CDH4: variants seen among roughly 807,000 people sequenced by gnomAD.
CDH4 encodes cadherin 4, also known as cadherin-4.
CDH4 carries 33 observed loss-of-function variants against 86.0 expected under a neutral mutation model. The observed-to-expected ratio is 0.38, with a 90% CI of 0.29 to 0.51. The LOEUF (loss-of-function observed/expected upper bound fraction) is 0.51. Among genes scored for constraint, CDH4 ranks in the 20% least tolerant of loss-of-function variants. The pLI is 0.86. For synonymous variants in CDH4, 555 were observed against 549.4 expected (o/e 1.01, Z -0.14); for missense variants, 1,114 against 1,307.4 (o/e 0.85, Z 2.28).
chr20:61,648,692 T>A (rs908096028), intron 2 of CDH4, among the ~76,000 whole-genome samples: 1 of 152,180 alleles, frequency 6.6e-6, no homozygotes, highest in Non-Finnish European at 1.5e-5. Flanking sequence ...GGTAGCTTTT[T>A]GAGGCGCGCT....
intron 2 of CDH4, among the ~76,000 whole-genome samples, chr20:61,462,004 G>A (rs62200941): frequency 6.6e-6 from 1 of 152,186 alleles, no homozygotes; most frequent in African/African-American, 2.4e-5. Context: ...TTCCAGCACA[G>A]CACTCGCGTG....
intron 2 of CDH4, among the ~76,000 whole-genome samples, chr20:61,450,170 T>G (rs898692326): frequency 2.6e-5 from 4 of 152,250 alleles, no homozygotes; most frequent in African/African-American, 9.6e-5. Context: ...TGTTCATGAA[T>G]GTTTAACCCA....
intron 2 of CDH4, among the ~76,000 whole-genome samples, chr20:61,340,151 C>T (rs758224345): frequency 6.6e-6 from 1 of 152,100 alleles, no homozygotes; most frequent in Non-Finnish European, 1.5e-5. Flanking sequence ...ATAGTAACCC[C>T]AACAAGGGGA....
chr20:61,871,362 A>AT lies in CDH4; in HGVS notation c.878-2364dup, dbSNP rs1983796767. On this transcript the variant is annotated intron_variant, in intron 6 of 15. Transcript: ENST00000614565. ...TGAGAAGTCAGCTTGAAGTCTTCTC[A>AT]TTGCCACATTGAAAGTTTTGTGCTC... 2.0e-5 allele frequency among the ~76,000 whole-genome samples: 3 copies of AT among 152,088 alleles called. No homozygotes were observed. In the South Asian group the frequency reaches 6.2e-4, roughly 32 times the overall value.
chr20:61,613,036 G>A (rs1054593162), intron 2 of CDH4, among the ~76,000 whole-genome samples: 10 of 152,066 alleles, frequency 6.6e-5, no homozygotes, highest in African/African-American at 2.4e-4. Flanking sequence ...AGAGGTCCCT[G>A]CTTGCCCAGG....
At chr20:61,512,345 G>A (rs1225544058) in intron 2 of CDH4, among the ~76,000 whole-genome samples, 1 of 152,198 alleles carries the variant, frequency 6.6e-6, no homozygotes, top group Non-Finnish European at 1.5e-5. Context: ...GGCCCGGGAA[G>A]GGGATTGTCC....
At chr20:61,457,483 ATGG>A (rs1162453539) in intron 2 of CDH4, among the ~76,000 whole-genome samples, 1 of 152,198 alleles carries the variant, frequency 6.6e-6, no homozygotes. Flanking sequence ...GATGATGACA[ATGG>A]TGGTGATAGT....
intron 2 of CDH4, among the ~76,000 whole-genome samples, chr20:61,410,469 C>T (rs2085112185): frequency 1.1e-5 from 1 of 94,600 alleles, no homozygotes; most frequent in Non-Finnish European, 2.6e-5. Context: ...ATCCATCCAT[C>T]CTCTCACTTG....
intron 8 of CDH4, among the ~76,000 whole-genome samples, chr20:61,904,915 G>C (rs1270351353): frequency 6.6e-6 from 1 of 152,228 alleles, no homozygotes; most frequent in Admixed American, 6.5e-5. Context: ...GGTTTTTCCT[G>C]AAACACCGGC....
chr20:61,356,244 A>G (rs554900247), intron 2 of CDH4, among the ~76,000 whole-genome samples: 86 of 152,192 alleles, frequency 5.7e-4, no homozygotes, highest in Non-Finnish European at 1.0e-3. Context: ...TCCCTTGCCC[A>G]AGAAACTGCA....
intron 8 of CDH4, among the ~76,000 whole-genome samples, chr20:61,895,472 G>A (rs1040925097): frequency 2.0e-5 from 3 of 152,234 alleles, no homozygotes; most frequent in Non-Finnish European, 4.4e-5. Flanking sequence ...TCGGCAGAAA[G>A]GGGGTTGTGA....
chr20:61,377,108 G>A lies in CDH4; in HGVS notation c.169+122171G>A, dbSNP rs774590279. On this transcript the variant is annotated intron_variant, in intron 2 of 15. Coordinates refer to ENST00000614565, the MANE Select transcript of CDH4 (RefSeq NM_001794.5). This position sits in a 1 kb window ranked among gnomAD's most constrained non-coding sequence, Gnocchi z 4.0. The stretch of plus-strand genomic sequence containing the variant: ...TGTCCTTCAAGTCTGCGTTGCCAAG[G>A]TAACTGGGGATTTGGAAGGGACAGC... Among the ~76,000 whole-genome samples the A allele has an allele frequency of 2.0e-4, 31 of 152,138 alleles. No individual in the cohort carries two copies. Among genetic ancestry groups the A allele is most frequent in the Admixed American group, 4.6e-4 (7 of 15,264 alleles).
At chr20:61,837,381 A>C (rs550549649) in intron 4 of CDH4, among the ~76,000 whole-genome samples, 2 of 152,292 alleles carry the variant, frequency 1.3e-5, no homozygotes, top group South Asian at 4.1e-4. Flanking sequence ...GAGGCTACTT[A>C]GGCCAGCAGT....
chr20:61,352,687 T>C (rs1316509175), intron 2 of CDH4, among the ~76,000 whole-genome samples: 1 of 152,164 alleles, frequency 6.6e-6, no homozygotes, highest in Non-Finnish European at 1.5e-5. Flanking sequence ...GATGGAGATG[T>C]TCTCTAGGGG....
intron 13 of CDH4, among the ~76,000 whole-genome samples, chr20:61,932,696 G>A (rs997977027): frequency 3.3e-5 from 5 of 152,064 alleles, no homozygotes; most frequent in Admixed American, 2.0e-4. Flanking sequence ...CTACATCCAC[G>A]ACTCCTGCGG....
At chr20:61,457,798 T>A (rs1369082404) in intron 2 of CDH4, among the ~76,000 whole-genome samples, 1 of 150,332 alleles carries the variant, frequency 6.7e-6, no homozygotes, top group Non-Finnish European at 1.5e-5. Context: ...ACAGTGCTGA[T>A]GCTGGTGGTG....
chr20:61,936,468 G>A (rs2055192210), intron 15 of CDH4, among the ~76,000 whole-genome samples: 1 of 113,916 alleles, frequency 8.8e-6, no homozygotes, highest in Non-Finnish European at 1.8e-5. Context: ...CTCCAGCCAC[G>A]GGCCCTGCCC....
At chr20:61,466,634 G>A (rs1222629798) in intron 2 of CDH4, among the ~76,000 whole-genome samples, 2 of 152,028 alleles carry the variant, frequency 1.3e-5, no homozygotes, top group African/African-American at 2.4e-5. Context: ...ACTTGAGGCC[G>A]GGAGTTCAAG....
Position 61,936,981 on chromosome 20 carries a change from T to C in CDH4, c.*38T>C. 6.6e-7 allele frequency: 1 copy of C among 1,523,128 alleles called. No individual in the cohort carries two copies. The highest frequency in any genetic ancestry group is 1.4e-5 in the African/African-American group (1 of 72,296). 94.4% of individuals were successfully genotyped at this position (1,523,128 alleles called of 1,614,324 possible). A position where few individuals can be genotyped will look rare whatever the true frequency, so the allele number is the denominator to read the frequency against. Reference sequence around the variant, plus strand: ...CTTCGGACCGAAGTGAGAGCCGTGCTCGGACGCCGGAGGAGCAGGACTGAG... The same window carrying C: ...CTTCGGACCGAAGTGAGAGCCGTGCCCGGACGCCGGAGGAGCAGGACTGAG... On this transcript the variant is annotated 3_prime_UTR_variant, in exon 16 of 16. Coordinates refer to ENST00000614565, the MANE Select transcript of CDH4 (RefSeq NM_001794.5).
Sources: gnomAD v4.1 joint callset for allele counts (sites outside exome capture counted in the v4.1 genomes callset) on GRCh38, gnomAD v4.1.1 for gene constraint, Gnocchi (gnomAD v3.1) non-coding constraint, MANE v1.5 for transcripts, NCBI Gene and HGNC (gene_info 2026-07-23, HGNC 2026-07-21) for gene names.